Variants in CREB5 observed in about 807,000 individuals in gnomAD.
CREB5 encodes cyclic AMP-responsive element-binding protein 5.
A neutral mutation model predicts 57.1 loss-of-function variants in CREB5; 19 were observed. The observed-to-expected ratio is 0.33, with a 90% CI of 0.23 to 0.49. The LOEUF is 0.49. Ranked by LOEUF, CREB5 falls within the 20% of genes least tolerant of loss-of-function variation. The pLI is 0.99. For missense variants in CREB5, 579 were observed against 671.6 expected (o/e 0.86, Z 1.52); for synonymous variants, 238 against 238.3 (o/e 1.00, Z 0.01).
At chr7:28,790,161 T>A (rs1020719869) in intron 7 of CREB5, among the ~76,000 whole-genome samples, 1 of 152,246 alleles carries the variant, frequency 6.6e-6, no homozygotes, top group East Asian at 1.9e-4. Flanking sequence ...CAAATTGAAT[T>A]TTAGTGCATA....
intron 5 of CREB5, among the ~76,000 whole-genome samples, chr7:28,608,819 T>G (rs971658968): frequency 1.3e-5 from 2 of 152,182 alleles, no homozygotes; most frequent in African/African-American, 4.8e-5. Flanking sequence ...GGACTGTTGG[T>G]TTTGTGTAAG....
At chr7:28,367,357 T>G (rs1786608157) in intron 1 of CREB5, among the ~76,000 whole-genome samples, 2 of 152,198 alleles carry the variant, frequency 1.3e-5, no homozygotes, top group Non-Finnish European at 2.9e-5. Context: ...GTCATGATTC[T>G]CCGGCACCAC....
chr7:28,638,872 T>C (rs1583461247), intron 5 of CREB5, among the ~76,000 whole-genome samples: 1 of 152,190 alleles, frequency 6.6e-6, no homozygotes, highest in Non-Finnish European at 1.5e-5. Context: ...AGATCATAAG[T>C]AGAGAGTACT....
At chr7:28,559,616 A>G (rs1303154874) in intron 4 of CREB5, among the ~76,000 whole-genome samples, 1 of 152,172 alleles carries the variant, frequency 6.6e-6, no homozygotes, top group Non-Finnish European at 1.5e-5. Flanking sequence ...CGCCCAGCCA[A>G]TGTTATCTTT....
intron 1 of CREB5, among the ~76,000 whole-genome samples, chr7:28,445,536 C>T (rs1583469954): frequency 1.3e-5 from 2 of 151,358 alleles, no homozygotes; most frequent in African/African-American, 4.9e-5. Flanking sequence ...TCCCGGGAGC[C>T]AATATTCTTC....
chr7:28,683,645 C>T lies in CREB5; in HGVS notation c.465-35108C>T, dbSNP rs538893085. On this transcript the variant is annotated intron_variant, in intron 5 of 10. Transcript: ENST00000357727. ...CAAACCTCTTGTTCTCTTACTCCTC[C>T]TGGCAGAAGCAATGATGCTGGCGGG... is the stretch of plus-strand genomic sequence containing the variant. Among the ~76,000 whole-genome samples, 15 of 152,294 alleles carry T rather than the reference C, an allele frequency of 9.8e-5. 1 individual carries two copies. The South Asian group carries it at 3.1e-3, about 32-fold the overall frequency.
At chr7:28,550,319 G>T (rs1794581742) in intron 4 of CREB5, among the ~76,000 whole-genome samples, 1 of 152,092 alleles carries the variant, frequency 6.6e-6, no homozygotes, top group South Asian at 2.1e-4. Context: ...AAGCCTATTG[G>T]TTGAGTGGTT....
chr7:28,301,420 T>A (rs142444605), intron 1 of CREB5, among the ~76,000 whole-genome samples: 11 of 152,200 alleles, frequency 7.2e-5, no homozygotes, highest in African/African-American at 2.4e-4. Context: ...CTTGTTATTA[T>A]ACATGCAGAG....
At chr7:28,527,690 G>T (rs60270095) in intron 4 of CREB5, among the ~76,000 whole-genome samples, 5,802 of 152,238 alleles carry the variant, frequency 0.038, 469 homozygotes, top group East Asian at 0.33. Context: ...GCATGGTGGT[G>T]CATGCCTGTA....
At chr7:28,462,652 C>G (rs975091471) in intron 1 of CREB5, among the ~76,000 whole-genome samples, 2 of 152,144 alleles carry the variant, frequency 1.3e-5, no homozygotes, top group Admixed American at 6.5e-5. Context: ...ATTTGCCTTT[C>G]CCTAGTGACT....
At chr7:28,545,762 T>C (rs983430346) in intron 4 of CREB5, among the ~76,000 whole-genome samples, 3 of 152,192 alleles carry the variant, frequency 2.0e-5, no homozygotes, top group African/African-American at 7.2e-5. Context: ...TTTTCTCCTA[T>C]CTTCAGTTTC....
intron 5 of CREB5, among the ~76,000 whole-genome samples, chr7:28,588,553 A>C (rs1192749091): frequency 6.6e-6 from 1 of 152,228 alleles, no homozygotes; most frequent in African/African-American, 2.4e-5. Flanking sequence ...AAGTAGTTGC[A>C]AAACTGTTTT....
intron 5 of CREB5, among the ~76,000 whole-genome samples, chr7:28,682,810 C>G (rs1299738369): frequency 2.0e-5 from 3 of 152,146 alleles, no homozygotes; most frequent in African/African-American, 7.2e-5. Flanking sequence ...CTCTAGTTGG[C>G]TGTTGAGCCC....
intron 4 of CREB5, among the ~76,000 whole-genome samples, chr7:28,541,690 A>C (rs888664556): frequency 6.6e-6 from 1 of 152,122 alleles, no homozygotes. Flanking sequence ...ACAACAACAA[A>C]AAACAAAACC....
At chr7:28,490,309 AG>A (rs776887282) in intron 2 of CREB5, among the ~76,000 whole-genome samples, 51 of 152,352 alleles carry the variant, frequency 3.3e-4, no homozygotes, top group Non-Finnish European at 6.2e-4. Context: ...CACCTTGAAG[AG>A]TATAATACAG....
intron 1 of CREB5, among the ~76,000 whole-genome samples, chr7:28,320,188 C>T (rs749583775): frequency 5.9e-5 from 9 of 152,068 alleles, no homozygotes; most frequent in African/African-American, 9.7e-5. Context: ...GCCTCGGCCT[C>T]GGATATGCTG....
chr7:28,729,899 C>T (rs1383890278), intron 7 of CREB5, among the ~76,000 whole-genome samples: 1 of 152,198 alleles, frequency 6.6e-6, no homozygotes, highest in African/African-American at 2.4e-5. Context: ...CCACGTTTCT[C>T]AGAATGCTCC....
At chr7:28,607,127 T>C (rs1048017318) in intron 5 of CREB5, among the ~76,000 whole-genome samples, 1 of 152,176 alleles carries the variant, frequency 6.6e-6, no homozygotes, top group Non-Finnish European at 1.5e-5. Context: ...CTTCCCAGAC[T>C]CAGTATCCTC....
intron 4 of CREB5, among the ~76,000 whole-genome samples, chr7:28,551,860 C>T (rs4722813): frequency 1.4e-5 from 2 of 147,046 alleles, no homozygotes; most frequent in Middle Eastern, 3.5e-3. Context: ...TCTTTCTTTT[C>T]TTTCTTTCTT....
Sources: allele counts gnomAD v4.1 joint callset (sites outside exome capture counted in the v4.1 genomes callset), GRCh38; gene constraint gnomAD v4.1.1; transcripts MANE v1.5; gene names NCBI Gene and HGNC (gene_info 2026-07-23, HGNC 2026-07-21).